The following TENM2 variants were observed in gnomAD, a reference collection of about 807,000 sequenced individuals.
The protein encoded by TENM2 is teneurin transmembrane protein 2, also known as teneurin-2.
A neutral mutation model predicts 245.2 loss-of-function variants in TENM2; 52 were observed. The observed-to-expected ratio is 0.21, with a 90% CI of 0.17 to 0.27. The LOEUF (loss-of-function observed/expected upper bound fraction) is 0.27, where lower values mean the gene tolerates loss of function less well. Among genes scored for constraint, TENM2 ranks in the 10% least tolerant of loss-of-function variants. The pLI, the probability that TENM2 is intolerant of heterozygous loss-of-function variation, is 1.00. For synonymous variants in TENM2, 1,363 were observed against 1,438.9 expected, an observed-to-expected ratio of 0.95 and a Z score of 1.19; for missense variants, 3,046 against 3,666.8, an observed-to-expected ratio of 0.83 and a Z score of 4.37.
At chr5:167,633,728 A>G (rs1159469220) in intron 2 of TENM2, among the ~76,000 whole-genome samples, 1 of 152,116 alleles carries the variant, frequency 6.6e-6, no homozygotes, top group Non-Finnish European at 1.5e-5. Context: ...AATATTGACT[A>G]ATCACCTTAT....
intron 2 of TENM2, among the ~76,000 whole-genome samples, chr5:167,556,574 C>T (rs935890628): frequency 3.9e-5 from 6 of 152,060 alleles, no homozygotes; most frequent in East Asian, 3.9e-4. Context: ...TTTGTTTCCA[C>T]GGGCACTTAA....
At chr5:167,057,817 G>A in the TENM2 span, among the ~76,000 whole-genome samples, 1 of 152,118 alleles carries the variant, frequency 6.6e-6, no homozygotes, top group African/African-American at 2.4e-5. Flanking sequence ...AGCACAGGGG[G>A]ATTTTTCTCT....
chr5:168,199,525 A>G (rs1333231013), intron 16 of TENM2, among the ~76,000 whole-genome samples: 1 of 152,228 alleles, frequency 6.6e-6, no homozygotes, highest in African/African-American at 2.4e-5. Flanking sequence ...AGGTTCGTAT[A>G]ATTACAGCCT....
chr5:168,125,154 A>T, intron 11 of TENM2, 104 bp downstream of exon 13: 1 of 974,184 alleles, frequency 1.0e-6, no homozygotes, highest in African/African-American at 1.6e-5. Context: ...AGCTGGGGAT[A>T]AGGGGACTTT....
intron 1 of TENM2, among the ~76,000 whole-genome samples, chr5:167,338,123 C>G (rs1757885029): frequency 6.6e-6 from 1 of 152,204 alleles, no homozygotes; most frequent in Non-Finnish European, 1.5e-5. Context: ...GTACTTATTA[C>G]TGTATCTGGA....
Position 167,562,957 on chromosome 5 carries a change from CAAAAAA to C in TENM2, c.502+187497_502+187502del, listed in dbSNP as rs58779751. ...GGGCAACAAGAGCGAAATTCTGTCT[CAAAAAA>C]AAAAAAAAAAAAGAAAAAGAAAAAG... On this transcript the variant is annotated intron_variant, in intron 2 of 28. Transcript: ENST00000518659. Among the ~76,000 whole-genome samples, 33 of 77,610 alleles carry C rather than the reference CAAAAAA, an allele frequency of 4.3e-4. No individual in the cohort carries two copies. The East Asian group carries it at 7.5e-3, about 18-fold the overall frequency. The allele number at this position is 77,610 out of a possible 152,430, so 50.9% of individuals were successfully genotyped here. A position where few individuals can be genotyped will look rare whatever the true frequency, so the allele number is the denominator to read the frequency against.
intron 7 of TENM2, among the ~76,000 whole-genome samples, chr5:168,066,318 T>G (rs1790503208): frequency 6.6e-6 from 1 of 152,068 alleles, no homozygotes; most frequent in Admixed American, 6.6e-5. Flanking sequence ...CATCATAACT[T>G]TAGTGGAGGA....
chr5:168,086,888 T>C (rs916724288), intron 7 of TENM2, among the ~76,000 whole-genome samples: 1 of 152,188 alleles, frequency 6.6e-6, no homozygotes, highest in Non-Finnish European at 1.5e-5. Context: ...CTCCTTCTAG[T>C]GTCAGCCAGT....
chr5:167,368,699 T>C (rs1019973618), intron 1 of TENM2, among the ~76,000 whole-genome samples: 1 of 152,112 alleles, frequency 6.6e-6, no homozygotes, highest in Non-Finnish European at 1.5e-5. Context: ...GTACTTTGTG[T>C]ATACTGTGTG....
At chr5:167,933,635 G>T (rs552054822) in intron 3 of TENM2, among the ~76,000 whole-genome samples, 1 of 151,766 alleles carries the variant, frequency 6.6e-6, no homozygotes, top group Non-Finnish European at 1.5e-5. Flanking sequence ...GGAAGTTCAC[G>T]CATTTCGACT....
intron 2 of TENM2, among the ~76,000 whole-genome samples, chr5:167,776,517 C>T (rs1237272792): frequency 7.7e-6 from 1 of 129,134 alleles, no homozygotes; most frequent in Non-Finnish European, 1.6e-5. Context: ...ATTGCTTGGG[C>T]CTGGGAGGTC....
the TENM2 span, among the ~76,000 whole-genome samples, chr5:167,254,462 C>T: frequency 6.6e-6 from 1 of 152,162 alleles, no homozygotes. Flanking sequence ...AGCTATCCTA[C>T]TTCTAAGGTA....
At chr5:167,334,785 T>C (rs1012186967) in intron 1 of TENM2, among the ~76,000 whole-genome samples, 1 of 152,214 alleles carries the variant, frequency 6.6e-6, no homozygotes, top group Non-Finnish European at 1.5e-5. Context: ...GGATACCAAA[T>C]TGAAGCTCTG....
chr5:167,046,195 T>A, the TENM2 span, among the ~76,000 whole-genome samples: 1 of 152,116 alleles, frequency 6.6e-6, no homozygotes, highest in Non-Finnish European at 1.5e-5. Context: ...TAACTCTGTG[T>A]GGACGTCTCT....
chr5:167,709,536 C>T (rs921243177), intron 2 of TENM2, among the ~76,000 whole-genome samples: 16 of 152,152 alleles, frequency 1.1e-4, no homozygotes, highest in African/African-American at 3.1e-4. Flanking sequence ...GAGATGGTGG[C>T]GGTCCAGAAG....
chr5:167,977,691 A>T (rs960477077), intron 4 of TENM2, among the ~76,000 whole-genome samples: 1 of 152,256 alleles, frequency 6.6e-6, no homozygotes, highest in African/African-American at 2.4e-5. Flanking sequence ...TATGGATAGG[A>T]TGCAGAGAGA....
chr5:167,493,987 G>A (rs1224377764), intron 2 of TENM2, among the ~76,000 whole-genome samples: 1 of 152,096 alleles, frequency 6.6e-6, no homozygotes, highest in Non-Finnish European at 1.5e-5. Flanking sequence ...GAAATTTAGA[G>A]GGAGGAAAGA....
chr5:167,376,655 G>A (rs1476042308), intron 2 of TENM2, among the ~76,000 whole-genome samples: 2 of 152,186 alleles, frequency 1.3e-5, no homozygotes, highest in Admixed American at 1.3e-4. Context: ...ACAAGGGGAT[G>A]TGTCTTACTT....
chr5:167,650,442 C>T lies in TENM2; in HGVS notation c.503-225544C>T, dbSNP rs989989480. Among the ~76,000 whole-genome samples the T allele has an allele frequency of 3.3e-5, 5 of 152,038 alleles. No homozygotes were observed. The South Asian group carries it at 1.0e-3, about 32-fold the overall frequency. On this transcript the variant is annotated intron_variant, in intron 2 of 28. Coordinates refer to ENST00000518659, the Ensembl canonical transcript of TENM2. ...GAAATATATTTAACTTTTATGAGAT[C>T]CCCGTAATACATCTTTAATGCTGAT...
Sources: allele counts gnomAD v4.1 joint callset (sites outside exome capture counted in the v4.1 genomes callset), GRCh38; gene constraint gnomAD v4.1.1; transcripts MANE v1.5; gene names NCBI Gene and HGNC (gene_info 2026-07-23, HGNC 2026-07-21).